ASCC1: variants seen among roughly 807,000 people sequenced by gnomAD.
The protein encoded by ASCC1 is ASC-1 complex subunit P50.
In ASCC1, 35 loss-of-function variants were observed where a neutral mutation model predicts 46.6. The ratio of observed to expected loss-of-function variants is 0.75; its 90% CI spans 0.57 to 0.99. ASCC1 has a LOEUF of 0.99. Among genes scored for constraint, ASCC1 ranks in the 50% least tolerant of loss-of-function variants. The probability of loss-of-function intolerance (pLI) is 0.00; values close to 1 mark genes in which losing one functional copy is unlikely to be tolerated. For synonymous variants in ASCC1, 143 were observed against 146.6 expected (o/e 0.98, Z 0.18); for missense variants, 376 against 428.7 (o/e 0.88, Z 1.09).
chr10:72,189,313 C>T (rs1460567696), intron 5 of ASCC1, among the ~76,000 whole-genome samples: 1 of 151,452 alleles, frequency 6.6e-6, no homozygotes, highest in Non-Finnish European at 1.5e-5. Context: ...GAGGCTGAGG[C>T]AGGAGAATGG....
intron 6 of ASCC1, 150 bp from the exon 7 acceptor site, chr10:72,153,138 T>A: frequency 1.0e-6 from 1 of 984,694 alleles, no homozygotes; most frequent in Non-Finnish European, 1.5e-6. Context: ...TAACATTATC[T>A]AATTGCCCTT....
At chr10:72,171,119 A>G (rs1284703418) in intron 5 of ASCC1, among the ~76,000 whole-genome samples, 1 of 152,244 alleles carries the variant, frequency 6.6e-6, no homozygotes, top group Non-Finnish European at 1.5e-5. Flanking sequence ...AATAAAGGAT[A>G]CTATTCTTTT....
intron 9 of ASCC1, among the ~76,000 whole-genome samples, chr10:72,109,504 G>A (rs747848854): frequency 6.6e-6 from 1 of 152,144 alleles, no homozygotes; most frequent in Non-Finnish European, 1.5e-5. Context: ...CCTGACCTAA[G>A]GATGTGCTGG....
Position 72,097,101 on chromosome 10 carries a change from A to C in ASCC1, c.*233T>G, listed in dbSNP as rs1346600709. Reference sequence around the variant, plus strand: ...CGACAATTTAAAAATTAAAAGAAAAAAAACCAGAACACACTAAGGGTTATA... The same window carrying C: ...CGACAATTTAAAAATTAAAAGAAAACAAACCAGAACACACTAAGGGTTATA... On this transcript the variant is annotated 3_prime_UTR_variant, in exon 10 of 10. Coordinates refer to ENST00000672957, the MANE Select transcript of ASCC1 (RefSeq NM_001198800.3). The C allele has an allele frequency of 1.8e-6, 1 of 568,976 alleles. No homozygotes were observed. The allele number at this position is 568,976 out of a possible 1,614,324, so 35.2% of individuals were successfully genotyped here.
At chr10:72,108,070 CTTTTTCTTTTTTT>C (rs993776524) in intron 9 of ASCC1, among the ~76,000 whole-genome samples, 3 of 143,650 alleles carry the variant, frequency 2.1e-5, no homozygotes, top group African/African-American at 5.1e-5. Context: ...TTTTCTTTTT[CTTTTTCTTTTTTT>C]TTTTTTTTTT....
At chr10:72,211,822 C>CAAAAAAAAAAAAAAAAA (rs968215347) in intron 2 of ASCC1, among the ~76,000 whole-genome samples, 3 of 140,604 alleles carry the variant, frequency 2.1e-5, no homozygotes, top group Non-Finnish European at 3.1e-5. Flanking sequence ...GACTCCGCCT[C>CAAAAAAAAAAAAAAAAA]AAAAAAAAAA....
At chr10:72,172,200 G>C (rs573495682) in intron 5 of ASCC1, among the ~76,000 whole-genome samples, 2 of 152,024 alleles carry the variant, frequency 1.3e-5, no homozygotes, top group South Asian at 4.2e-4. Context: ...CGGATCACGA[G>C]GTCAGGAGAT....
At chr10:72,205,422 G>A (rs1379411353) in intron 3 of ASCC1, among the ~76,000 whole-genome samples, 1 of 152,174 alleles carries the variant, frequency 6.6e-6, no homozygotes, top group Admixed American at 6.6e-5. Flanking sequence ...CCTGAGGTGA[G>A]GAGATCGAGG....
At chr10:72,174,460 G>A (rs1354977318) in intron 5 of ASCC1, among the ~76,000 whole-genome samples, 1 of 152,108 alleles carries the variant, frequency 6.6e-6, no homozygotes, top group Non-Finnish European at 1.5e-5. Context: ...CTTTCCATGA[G>A]ATGGGATACA....
At chr10:72,112,289 T>C (rs542095923) in intron 9 of ASCC1, among the ~76,000 whole-genome samples, 1 of 152,322 alleles carries the variant, frequency 6.6e-6, no homozygotes, top group South Asian at 2.1e-4. Context: ...TAGGTGAACC[T>C]TGAAAACATT....
intron 7 of ASCC1, among the ~76,000 whole-genome samples, chr10:72,135,428 G>A (rs1198847814): frequency 6.6e-6 from 1 of 152,168 alleles, no homozygotes; most frequent in African/African-American, 2.4e-5. Flanking sequence ...AGAGACCTGA[G>A]GGAAAAGCAT....
At chr10:72,213,999 C>T (rs1048745523) in intron 1 of ASCC1, among the ~76,000 whole-genome samples, 3 of 151,686 alleles carry the variant, frequency 2.0e-5, no homozygotes, top group Non-Finnish European at 4.4e-5. Context: ...GATCGCGCCA[C>T]TGCACTCCAG....
intron 7 of ASCC1, among the ~76,000 whole-genome samples, chr10:72,141,654 T>C (rs1195973448): frequency 1.3e-5 from 2 of 152,206 alleles, no homozygotes; most frequent in East Asian, 3.8e-4. Context: ...CTACCTAGTT[T>C]TCTTCTACTT....
chr10:72,208,619 G>C lies in ASCC1; in HGVS notation c.212+2113C>G, dbSNP rs201148836. ...TACTAAAAATACAAAAATTAGCCAG[G>C]TGTAGTAGTGCAGGCCTGTAGTTCC... is the stretch of plus-strand genomic sequence containing the variant. On this transcript the variant is annotated intron_variant, in intron 3 of 9. Transcript: ENST00000672957. Among the ~76,000 whole-genome samples the C allele has an allele frequency of 5.3e-4, 81 of 152,242 alleles. 1 individual carries two copies. The East Asian group carries it at 7.1e-3, about 13-fold the overall frequency.
intron 9 of ASCC1, among the ~76,000 whole-genome samples, chr10:72,105,506 A>G (rs1359614549): frequency 1.3e-5 from 2 of 152,244 alleles, no homozygotes; most frequent in Non-Finnish European, 2.9e-5. Flanking sequence ...CATCAATAAT[A>G]TCTTTAGAAA....
upstream of ASCC1, chr10:72,217,049 A>G (rs1447085328): frequency 2.2e-6 from 1 of 454,056 alleles, no homozygotes; most frequent in Non-Finnish European, 4.4e-6. Context: ...TCGTTTGTTC[A>G]TCATTCATTC....
At chr10:72,202,889 A>T (rs1476982258) in intron 4 of ASCC1, among the ~76,000 whole-genome samples, 5 of 152,180 alleles carry the variant, frequency 3.3e-5, no homozygotes, top group Non-Finnish European at 7.3e-5. Flanking sequence ...TATTCCATCA[A>T]TGTATGGTAA....
chr10:72,171,204 C>A (rs1851034247), intron 5 of ASCC1, among the ~76,000 whole-genome samples: 1 of 152,206 alleles, frequency 6.6e-6, no homozygotes, highest in East Asian at 1.9e-4. Flanking sequence ...TTACCACAGA[C>A]TTTGTGGCTT....
At chr10:72,138,897 G>C (rs1846612610) in intron 7 of ASCC1, among the ~76,000 whole-genome samples, 1 of 151,830 alleles carries the variant, frequency 6.6e-6, no homozygotes, top group Non-Finnish European at 1.5e-5. Flanking sequence ...TGCACTCCAC[G>C]AAGACTGGCT....
Sources: gnomAD v4.1 joint callset for allele counts (sites outside exome capture counted in the v4.1 genomes callset) on GRCh38, gnomAD v4.1.1 for gene constraint, MANE v1.5 for transcripts, NCBI Gene and HGNC (gene_info 2026-07-23, HGNC 2026-07-21) for gene names.